Variants in ELK3 observed in about 807,000 individuals in gnomAD.
ELK3 encodes the protein ETS domain-containing protein Elk-3.
A neutral mutation model predicts 28.9 loss-of-function variants in ELK3; 10 were observed. The ratio of observed to expected loss-of-function variants is 0.35; its 90% CI spans 0.21 to 0.59. The LOEUF is 0.59. ELK3 is among the 20% of genes least tolerant of loss of function. The probability of loss-of-function intolerance (pLI) is 0.82; values close to 1 mark genes in which losing one functional copy is unlikely to be tolerated. For missense variants in ELK3, 463 were observed against 517.3 expected (o/e 0.90, Z 1.02); for synonymous variants, 272 against 243.5 (o/e 1.12, Z -1.09).
chr12:96,236,182 T>G (rs927592358), intron 2 of ELK3, among the ~76,000 whole-genome samples: 2 of 152,128 alleles, frequency 1.3e-5, no homozygotes, highest in Admixed American at 1.3e-4. Flanking sequence ...AAAAGTACCC[T>G]TGAGTGTTTA....
intron 3 of ELK3, among the ~76,000 whole-genome samples, chr12:96,253,524 T>C (rs1951923914): frequency 6.6e-6 from 1 of 152,174 alleles, no homozygotes; most frequent in African/African-American, 2.4e-5. Flanking sequence ...AAAACCATGG[T>C]TTCACTTGAA....
chr12:96,260,785 C>T (rs189468972), intron 4 of ELK3, among the ~76,000 whole-genome samples: 166 of 152,344 alleles, frequency 1.1e-3, no homozygotes, highest in Non-Finnish European at 2.1e-3. Flanking sequence ...CTTTTCTCAT[C>T]GTCCCTGCCT....
At chr12:96,206,323 A>AT (rs1188781659) in intron 1 of ELK3, among the ~76,000 whole-genome samples, 2,100 of 147,116 alleles carry the variant, frequency 0.014, 39 homozygotes, top group African/African-American at 0.045. Flanking sequence ...TTATTTATTT[A>AT]TTTTTTTTTT....
chr12:96,242,256 A>C (rs1951826823), intron 2 of ELK3, among the ~76,000 whole-genome samples: 1 of 152,236 alleles, frequency 6.6e-6, no homozygotes, highest in Non-Finnish European at 1.5e-5. Context: ...ATAGTAGCCA[A>C]GACCTCAGGA....
intron 1 of ELK3, among the ~76,000 whole-genome samples, chr12:96,203,063 A>G (rs1268307921): frequency 1.3e-5 from 2 of 151,782 alleles, no homozygotes; most frequent in Admixed American, 1.3e-4. Flanking sequence ...TTGTATTTTT[A>G]GTAGAGACGG....
At chr12:96,263,648 G>C (rs1952009369) in intron 4 of ELK3, among the ~76,000 whole-genome samples, 1 of 152,184 alleles carries the variant, frequency 6.6e-6, no homozygotes, top group Non-Finnish European at 1.5e-5. Context: ...GCTTTTTCCA[G>C]CTGGCCACTG....
At chr12:96,237,421 C>CCA (rs397691993) in intron 2 of ELK3, among the ~76,000 whole-genome samples, 2 of 152,114 alleles carry the variant, frequency 1.3e-5, no homozygotes, top group Non-Finnish European at 2.9e-5. Flanking sequence ...GCCTGCCCCC[C>CCA]AGACATTTGT....
intron 3 of ELK3, among the ~76,000 whole-genome samples, chr12:96,259,072 G>A (rs955517484): frequency 6.6e-6 from 1 of 152,140 alleles, no homozygotes; most frequent in African/African-American, 2.4e-5. Flanking sequence ...AAGAATTAAA[G>A]CCCCTTTATG....
chr12:96,220,028 T>G (rs1419307447), intron 1 of ELK3, among the ~76,000 whole-genome samples: 3 of 151,826 alleles, frequency 2.0e-5, no homozygotes, highest in Non-Finnish European at 4.4e-5. Context: ...TGAGTAATCC[T>G]CTGATGATCC....
chr12:96,221,569 G>GA (rs1951662129), intron 1 of ELK3, among the ~76,000 whole-genome samples: 1 of 152,202 alleles, frequency 6.6e-6, no homozygotes, highest in South Asian at 2.1e-4. Context: ...GTTTGGCCAA[G>GA]AAAATCTCAA....
rs1292758643 is a variant in ELK3 at position 96,194,436 on chromosome 12, A to G, written c.-272A>G. Reference sequence around the variant, plus strand: ...GCCGGGGCGCGCGGCGCGGGGCGGAAAAGCCTGTTTACACAGACTGCACAC... The same window carrying G: ...GCCGGGGCGCGCGGCGCGGGGCGGAGAAGCCTGTTTACACAGACTGCACAC... On this transcript the variant is annotated 5_prime_UTR_variant, in exon 1 of 5. Coordinates refer to ENST00000228741, the MANE Select transcript of ELK3 (RefSeq NM_005230.4). The G allele has an allele frequency of 6.7e-6, 1 of 149,192 alleles. No homozygotes were observed. Among genetic ancestry groups the G allele is most frequent in the East Asian group, 2.0e-4 (1 of 5,106 alleles). The allele number at this position is 149,192 out of a possible 1,614,324, so 9.2% of individuals were successfully genotyped here.
chr12:96,247,623 G>C lies in ELK3; in HGVS notation c.891G>C (p.Leu297Phe). ...CAAAGGCCAAAAAACCCAAAGGCTTGGAAATCTCAGCGCCCCCGCTGGTGC... is the reference window on the plus strand; with the variant it reads ...CAAAGGCCAAAAAACCCAAAGGCTTCGAAATCTCAGCGCCCCCGCTGGTGC... ...LPPKAKKPKG[L>F]EISAPPLVLS... Residue 297 changes from leucine (L) to phenylalanine (F), a missense_variant, in exon 3 of 5, where the codon TTG (leucine) becomes TTC (phenylalanine). Leu to Phe is a conservative substitution (Grantham distance 22). Around this residue, in one of 2 missense-constraint regions of ELK3, gnomAD observed 408 missense variants for 414.8 expected, o/e 0.98. Coordinates refer to ENST00000228741, the MANE Select transcript of ELK3 (RefSeq NM_005230.4). The surrounding 1 kb of genome is among the most constrained non-coding windows in gnomAD (Gnocchi z 5.5). The C allele has an allele frequency of 6.2e-7, 1 of 1,613,510 alleles. No individual in the cohort carries two copies. The highest frequency in any genetic ancestry group is 8.5e-7 in the Non-Finnish European group (1 of 1,180,022).
chr12:96,248,709 G>A (rs1415241899), intron 3 of ELK3, among the ~76,000 whole-genome samples: 3 of 152,166 alleles, frequency 2.0e-5, no homozygotes, highest in South Asian at 2.1e-4. Flanking sequence ...TAATCTCATC[G>A]TAGTTGTCCC....
chr12:96,267,026 A>T, intron 4 of ELK3, 56 bp from the exon 5 acceptor site: 5 of 1,481,078 alleles, frequency 3.4e-6, no homozygotes. Flanking sequence ...TAAAGAACCT[A>T]AGTTCTTCCC....
intron 1 of ELK3, among the ~76,000 whole-genome samples, chr12:96,195,320 C>G (rs1951456232): frequency 6.6e-6 from 1 of 152,184 alleles, no homozygotes; most frequent in Non-Finnish European, 1.5e-5. Flanking sequence ...GTGACCCCCG[C>G]CCAGGTCACC....
chr12:96,254,965 C>T (rs951798548), intron 3 of ELK3, among the ~76,000 whole-genome samples: 6 of 151,990 alleles, frequency 3.9e-5, no homozygotes, highest in African/African-American at 1.5e-4. Flanking sequence ...CAATAGGAAG[C>T]ATTGAAGGGG....
intron 3 of ELK3, among the ~76,000 whole-genome samples, chr12:96,256,207 A>G (rs1453017431): frequency 6.6e-6 from 1 of 152,136 alleles, no homozygotes; most frequent in African/African-American, 2.4e-5. Flanking sequence ...AATGGAAATG[A>G]GGGATAAACA....
chr12:96,224,756 C>G (rs897770127), intron 2 of ELK3, among the ~76,000 whole-genome samples: 3 of 152,194 alleles, frequency 2.0e-5, no homozygotes, highest in Non-Finnish European at 4.4e-5. Flanking sequence ...TATTTAGCCT[C>G]TAAGACATAA....
At chr12:96,237,593 G>A (rs1045656346) in intron 2 of ELK3, among the ~76,000 whole-genome samples, 1 of 152,214 alleles carries the variant, frequency 6.6e-6, no homozygotes, top group Non-Finnish European at 1.5e-5. Flanking sequence ...AGCCTGGCAT[G>A]GGGCCACCCA....
Sources: allele counts gnomAD v4.1 joint callset (sites outside exome capture counted in the v4.1 genomes callset), GRCh38; gene constraint gnomAD v4.1.1; regional missense constraint gnomAD v4.1.1; non-coding constraint Gnocchi (gnomAD v3.1); transcripts MANE v1.5; gene names NCBI Gene and HGNC (gene_info 2026-07-23, HGNC 2026-07-21).